The following PIGL variants were observed in gnomAD, a reference collection of about 807,000 sequenced individuals.
PIGL encodes the protein N-acetylglucosaminyl-phosphatidylinositol de-N-acetylase.
In PIGL, 22 loss-of-function variants were observed where a neutral mutation model predicts 31.1. The ratio of observed to expected loss-of-function variants is 0.71; its 90% CI spans 0.51 to 1.01. The LOEUF (loss-of-function observed/expected upper bound fraction) is 1.01, where lower values mean the gene tolerates loss of function less well. PIGL is among the 50% of genes least tolerant of loss of function. The pLI, the probability that PIGL is intolerant of heterozygous loss-of-function variation, is 0.00. For synonymous variants in PIGL, 131 were observed against 117.4 expected (o/e 1.12, Z -0.75); for missense variants, 302 against 315.9 (o/e 0.96, Z 0.33).
intron 1 of PIGL, among the ~76,000 whole-genome samples, chr17:16,224,371 A>G (rs145099308): frequency 1.5e-4 from 23 of 151,808 alleles, no homozygotes; most frequent in Middle Eastern, 3.4e-3. Flanking sequence ...CTGTTGCACA[A>G]TCTTGGCTCA....
chr17:16,259,863 G>A (rs1266098392), intron 2 of PIGL, among the ~76,000 whole-genome samples: 2 of 152,192 alleles, frequency 1.3e-5, no homozygotes, highest in African/African-American at 4.8e-5. Flanking sequence ...AGCTGTAGCT[G>A]TGGACCCAGG....
chr17:16,260,512 G>A (rs891496427), intron 2 of PIGL, among the ~76,000 whole-genome samples: 1 of 152,110 alleles, frequency 6.6e-6, no homozygotes, highest in African/African-American at 2.4e-5. Context: ...AAGGGCTGCA[G>A]AGATGATGGG....
intron 1 of PIGL, among the ~76,000 whole-genome samples, chr17:16,231,543 A>ATT (rs372107300): frequency 1.3e-5 from 2 of 151,244 alleles, no homozygotes; most frequent in African/African-American, 4.9e-5. Flanking sequence ...CCCAGCTTTG[A>ATT]TTTTTTTTTA....
intron 4 of PIGL, 133 bp downstream of exon 4, chr17:16,313,747 T>A (rs1449815165): frequency 6.9e-6 from 5 of 721,800 alleles, no homozygotes; most frequent in Non-Finnish European, 1.2e-5. Flanking sequence ...CTTCTAGCCC[T>A]TTTTGGCCAT....
At chr17:16,282,356 T>G (rs2092919899) in intron 2 of PIGL, among the ~76,000 whole-genome samples, 2 of 152,042 alleles carry the variant, frequency 1.3e-5, no homozygotes, top group Non-Finnish European at 2.9e-5. Flanking sequence ...AAAGCCTAAG[T>G]TATAGGAGAG....
intron 1 of PIGL, among the ~76,000 whole-genome samples, chr17:16,232,447 G>A (rs1370830671): frequency 1.3e-5 from 2 of 152,162 alleles, no homozygotes; most frequent in South Asian, 2.1e-4. Flanking sequence ...GTTCTGTTAA[G>A]TGCCTACAGG....
intron 2 of PIGL, among the ~76,000 whole-genome samples, chr17:16,290,839 C>A (rs1192851732): frequency 6.6e-6 from 1 of 152,084 alleles, no homozygotes; most frequent in East Asian, 1.9e-4. Context: ...CCACCACTCT[C>A]AGCTAATTTT....
intron 1 of PIGL, among the ~76,000 whole-genome samples, chr17:16,231,831 A>T (rs2092680697): frequency 6.6e-6 from 1 of 152,192 alleles, no homozygotes. Flanking sequence ...TGTTTCCTAG[A>T]ATAATGGTCT....
At chr17:16,305,020 C>T (rs1486642222) in intron 3 of PIGL, among the ~76,000 whole-genome samples, 1 of 152,222 alleles carries the variant, frequency 6.6e-6, no homozygotes, top group East Asian at 1.9e-4. Flanking sequence ...CAAGCAGTGG[C>T]TCACACCTGT....
chr17:16,270,236 C>T (rs895825020), intron 2 of PIGL, among the ~76,000 whole-genome samples: 4 of 151,610 alleles, frequency 2.6e-5, no homozygotes, highest in African/African-American at 9.7e-5. Context: ...TTGCAGTGAG[C>T]CGAGCTTGCA....
intron 2 of PIGL, chr17:16,282,117 T>G (rs748119527): frequency 4.1e-6 from 2 of 488,168 alleles, no homozygotes; most frequent in Non-Finnish European, 8.7e-6. Flanking sequence ...ACAGAAGCTA[T>G]CTGAGCATCA....
chr17:16,281,903 A>G, intron 2 of PIGL: 1 of 344,250 alleles, frequency 2.9e-6, no homozygotes, highest in Non-Finnish European at 6.5e-6. Context: ...GAAGCAGGCA[A>G]GCCAAAGGGG....
At chr17:16,306,272 A>G (rs1018722339) in intron 3 of PIGL, among the ~76,000 whole-genome samples, 4 of 151,874 alleles carry the variant, frequency 2.6e-5, no homozygotes, top group African/African-American at 9.7e-5. Context: ...TTTAAACACT[A>G]TTTCTTCACT....
intron 2 of PIGL, among the ~76,000 whole-genome samples, chr17:16,239,398 G>C (rs924111157): frequency 6.6e-6 from 1 of 151,676 alleles, no homozygotes; most frequent in African/African-American, 2.4e-5. Context: ...CAGGAGAATC[G>C]CTTGAACCCA....
At chr17:16,321,474 A>G (rs904408436) in intron 6 of PIGL, among the ~76,000 whole-genome samples, 3 of 152,044 alleles carry the variant, frequency 2.0e-5, no homozygotes, top group African/African-American at 7.2e-5. Context: ...TCCTGACCTC[A>G]GGTGATCCAC....
intron 2 of PIGL, among the ~76,000 whole-genome samples, chr17:16,256,963 C>T (rs1297664676): frequency 6.6e-6 from 1 of 152,106 alleles, no homozygotes; most frequent in African/African-American, 2.4e-5. Flanking sequence ...GCTAGGATTG[C>T]AGGCGTGAGC....
intron 2 of PIGL, among the ~76,000 whole-genome samples, chr17:16,278,464 A>T (rs868499424): frequency 7.2e-5 from 11 of 152,352 alleles, no homozygotes; most frequent in African/African-American, 2.4e-4. Flanking sequence ...TAAGGTTCTT[A>T]TAAACCTCTT....
At chr17:16,269,227 A>G (rs1050327785) in intron 2 of PIGL, among the ~76,000 whole-genome samples, 4 of 152,246 alleles carry the variant, frequency 2.6e-5, no homozygotes, top group African/African-American at 9.6e-5. Context: ...GTGGTCTGTC[A>G]TCTCTGCTTT....
chr17:16,256,361 G>A (rs543674146), intron 2 of PIGL, among the ~76,000 whole-genome samples: 176 of 149,084 alleles, frequency 1.2e-3, no homozygotes, highest in African/African-American at 4.5e-3. Flanking sequence ...TGTTTGAGAC[G>A]GAGTCTCACA....
Sources: gnomAD v4.1 joint callset for allele counts (sites outside exome capture counted in the v4.1 genomes callset) on GRCh38, gnomAD v4.1.1 for gene constraint, MANE v1.5 for transcripts, NCBI Gene and HGNC (gene_info 2026-07-23, HGNC 2026-07-21) for gene names.